GALNTL6: variants seen among roughly 807,000 people sequenced by gnomAD.
GALNTL6 encodes the protein polypeptide N-acetylgalactosaminyltransferase like 6, also known as polypeptide N-acetylgalactosaminyltransferase-like 6.
A neutral mutation model predicts 73.7 loss-of-function variants in GALNTL6; 46 were observed. The observed-to-expected ratio is 0.62, with a 90% CI of 0.49 to 0.80. The LOEUF (loss-of-function observed/expected upper bound fraction) is 0.80. Among genes scored for constraint, GALNTL6 ranks in the 30% least tolerant of loss-of-function variants. The pLI, the probability that GALNTL6 is intolerant of heterozygous loss-of-function variation, is 0.00. For synonymous variants in GALNTL6, 259 were observed against 263.7 expected (o/e 0.98, Z 0.17); for missense variants, 604 against 755.0 (o/e 0.80, Z 2.34).
At chr4:172,129,872 G>T (rs919078686) in intron 2 of GALNTL6, among the ~76,000 whole-genome samples, 4 of 152,178 alleles carry the variant, frequency 2.6e-5, no homozygotes, top group African/African-American at 9.7e-5. Flanking sequence ...TCCAGGGGTT[G>T]CCAATTTGTC....
intron 2 of GALNTL6, among the ~76,000 whole-genome samples, chr4:172,034,108 C>A (rs1007733683): frequency 2.0e-5 from 3 of 152,052 alleles, no homozygotes; most frequent in African/African-American, 4.8e-5. Flanking sequence ...AGGCATAATT[C>A]TTTTTAGGAT....
intron 5 of GALNTL6, among the ~76,000 whole-genome samples, chr4:172,582,919 G>A (rs926981638): frequency 1.3e-5 from 2 of 152,180 alleles, no homozygotes; most frequent in Non-Finnish European, 2.9e-5. Flanking sequence ...ATGTTTGATA[G>A]ATTATGTCTA....
chr4:172,904,811 T>C (rs1746802186), intron 8 of GALNTL6, among the ~76,000 whole-genome samples: 1 of 152,182 alleles, frequency 6.6e-6, no homozygotes, highest in African/African-American at 2.4e-5. Flanking sequence ...TCTACTTTGA[T>C]GTGGCACAAA....
At chr4:171,974,744 TG>T (rs1739669888) in intron 2 of GALNTL6, among the ~76,000 whole-genome samples, 1 of 121,354 alleles carries the variant, frequency 8.2e-6, no homozygotes, top group Non-Finnish European at 1.8e-5. Flanking sequence ...ATATTTTCTT[TG>T]TGAGTTTGAG....
chr4:172,960,413 T>C (rs1208962905), intron 10 of GALNTL6, among the ~76,000 whole-genome samples: 1 of 151,624 alleles, frequency 6.6e-6, no homozygotes, highest in Non-Finnish European at 1.5e-5. Flanking sequence ...GATTATAGGG[T>C]TGGGGAGCAG....
intron 5 of GALNTL6, among the ~76,000 whole-genome samples, chr4:172,630,650 C>A (rs1739354958): frequency 6.6e-6 from 1 of 151,886 alleles, no homozygotes; most frequent in Non-Finnish European, 1.5e-5. Flanking sequence ...AGCTTTCATA[C>A]AGCTTCATTC....
chr4:173,002,920 T>C (rs1420950683), intron 10 of GALNTL6, among the ~76,000 whole-genome samples: 3 of 151,964 alleles, frequency 2.0e-5, no homozygotes, highest in Admixed American at 2.0e-4. Flanking sequence ...TTATATGAGG[T>C]TTACAAAATA....
chr4:172,814,200 T>G (rs1225344731), intron 7 of GALNTL6, among the ~76,000 whole-genome samples: 1 of 152,186 alleles, frequency 6.6e-6, no homozygotes, highest in East Asian at 1.9e-4. Context: ...TAAGCAGGTG[T>G]TCCCACAACT....
chr4:172,440,240 G>A (rs1352842147), intron 5 of GALNTL6, among the ~76,000 whole-genome samples: 2 of 152,064 alleles, frequency 1.3e-5, no homozygotes, highest in African/African-American at 4.8e-5. Context: ...AACCCAAGAT[G>A]CTCTTCAGTA....
intron 5 of GALNTL6, among the ~76,000 whole-genome samples, chr4:172,374,895 C>G (rs181526278): frequency 2.7e-4 from 41 of 152,292 alleles, no homozygotes; most frequent in African/African-American, 9.6e-4. Context: ...ATGTACCTAT[C>G]AGGATCATCT....
At chr4:172,600,300 G>A (rs527682381) in intron 5 of GALNTL6, among the ~76,000 whole-genome samples, 4 of 151,998 alleles carry the variant, frequency 2.6e-5, no homozygotes, top group Admixed American at 6.6e-5. Flanking sequence ...TGAAAACTAA[G>A]CAGCATAGAG....
chr4:173,023,750 A>G (rs1353803414), intron 12 of GALNTL6, among the ~76,000 whole-genome samples: 1 of 152,230 alleles, frequency 6.6e-6, no homozygotes, highest in Admixed American at 6.5e-5. Context: ...CTGATTAAAA[A>G]TGAAGCTGGG....
At chr4:172,118,821 G>A (rs1386851546) in intron 2 of GALNTL6, among the ~76,000 whole-genome samples, 3 of 151,316 alleles carry the variant, frequency 2.0e-5, no homozygotes, top group Non-Finnish European at 4.4e-5. Flanking sequence ...TTTCTAATAA[G>A]CAGTGATTTT....
intron 2 of GALNTL6, among the ~76,000 whole-genome samples, chr4:172,213,681 G>A (rs746211318): frequency 3.9e-5 from 6 of 152,176 alleles, no homozygotes; most frequent in Non-Finnish European, 7.4e-5. Flanking sequence ...TATCAGATAT[G>A]TATTTTGTAA....
chr4:172,534,004 G>A (rs1356711145), intron 5 of GALNTL6, among the ~76,000 whole-genome samples: 4 of 152,140 alleles, frequency 2.6e-5, no homozygotes, highest in African/African-American at 9.7e-5. Flanking sequence ...GTTTAGATGG[G>A]AGATATAGGA....
intron 8 of GALNTL6, among the ~76,000 whole-genome samples, chr4:172,924,920 A>G (rs1003740820): frequency 2.9e-4 from 44 of 152,136 alleles, no homozygotes; most frequent in African/African-American, 9.7e-4. Flanking sequence ...TCGCCAGGCT[A>G]GAGTGCAGTG....
chr4:172,260,769 G>A (rs1827556), intron 3 of GALNTL6, among the ~76,000 whole-genome samples: 51,683 of 151,160 alleles, frequency 0.34, 8,908 homozygotes, highest in Non-Finnish European at 0.38. Context: ...TTACCTTGAG[G>A]TATGTCCTTT....
intron 3 of GALNTL6, among the ~76,000 whole-genome samples, chr4:172,272,505 T>G (rs1187305991): frequency 6.6e-6 from 1 of 152,178 alleles, no homozygotes; most frequent in Non-Finnish European, 1.5e-5. Flanking sequence ...TATAACATGA[T>G]GATGTTTGTG....
chr4:172,261,535 G>T lies in GALNTL6; in HGVS notation c.247+31771G>T, dbSNP rs142342992. Among the ~76,000 whole-genome samples, 284 of 151,014 alleles carry T rather than the reference G, an allele frequency of 1.9e-3. 1 individual carries two copies. Among genetic ancestry groups the T allele is most frequent in the Admixed American group, 0.013 (190 of 15,100 alleles). On this transcript the variant is annotated intron_variant, in intron 3 of 12. Transcript: ENST00000506823. The stretch of plus-strand genomic sequence containing the variant: ...ATCTCACTAATGTTCGATCACTTTT[G>T]ATTATTTTTTCAAATAAACAGTTTT...
Sources: gnomAD v4.1 joint callset for allele counts (sites outside exome capture counted in the v4.1 genomes callset) on GRCh38, gnomAD v4.1.1 for gene constraint, MANE v1.5 for transcripts, NCBI Gene and HGNC (gene_info 2026-07-23, HGNC 2026-07-21) for gene names.